Variants in DCT observed in about 807,000 individuals in gnomAD.
DCT encodes the protein L-dopachrome tautomerase.
In DCT, 47 loss-of-function variants were observed where a neutral mutation model predicts 53.0. That is an observed-to-expected ratio of 0.89 (90% CI 0.70 to 1.13). The LOEUF is 1.13. DCT is among the 50% of genes most tolerant of loss of function. The probability of loss-of-function intolerance (pLI) is 0.00; values close to 1 mark genes in which losing one functional copy is unlikely to be tolerated. For missense variants in DCT, 669 were observed against 637.4 expected, an observed-to-expected ratio of 1.05 and a Z score of -0.53; for synonymous variants, 244 against 237.0, an observed-to-expected ratio of 1.03 and a Z score of -0.27.
Position 94,468,893 on chromosome 13 carries a change from T to A in DCT, c.448A>T (p.Lys150Ter), listed in dbSNP as rs937496254. ...QFLGALDLAKKRVHPDYVITT... is the reference protein window; with the variant it reads ...QFLGALDLAK ...ATCACGTAGTCGGGGTGTACTCTCT[T>A]CTTCGCGAGATCTAAGGCGCCCAAG... Residue 150 changes from lysine to a stop codon, truncating the protein, a stop_gained, in exon 2 of 8, where the codon AAG becomes TAG. Coordinates refer to ENST00000377028, the MANE Select transcript of DCT (RefSeq NM_001922.5). LOFTEE classifies it high-confidence loss of function. The A allele has an allele frequency of 1.2e-6, 2 of 1,613,994 alleles. No homozygotes were observed. Among genetic ancestry groups the A allele is most frequent in the Non-Finnish European group, 1.7e-6 (2 of 1,180,018 alleles).
At chr13:94,499,927 T>C in the DCT span, among the ~76,000 whole-genome samples, 1 of 152,206 alleles carries the variant, frequency 6.6e-6, no homozygotes, top group African/African-American at 2.4e-5. Context: ...AGGCATACAA[T>C]AGGAAGTTTT....
the DCT span, among the ~76,000 whole-genome samples, chr13:94,515,591 AG>A: frequency 2.9e-4 from 44 of 152,324 alleles, no homozygotes; most frequent in African/African-American, 1.1e-3. Context: ...TTCTGATACA[AG>A]GAAGTAGAGG....
the DCT span, among the ~76,000 whole-genome samples, chr13:94,525,265 T>C: frequency 6.6e-6 from 1 of 152,082 alleles, no homozygotes; most frequent in Non-Finnish European, 1.5e-5. Flanking sequence ...CATACCTAGC[T>C]AATTTTTGGT....
the DCT span, among the ~76,000 whole-genome samples, chr13:94,489,774 A>G: frequency 1.3e-5 from 2 of 152,072 alleles, no homozygotes; most frequent in Non-Finnish European, 2.9e-5. Context: ...ACACACACAC[A>G]CACACACACA....
the DCT span, among the ~76,000 whole-genome samples, chr13:94,503,977 A>G: frequency 6.6e-6 from 1 of 152,238 alleles, no homozygotes; most frequent in Non-Finnish European, 1.5e-5. Flanking sequence ...GCATAAGTGA[A>G]GTAAACATTT....
intron 2 of DCT, chr13:94,467,526 T>A (rs1191571558): frequency 6.6e-6 from 1 of 152,326 alleles, no homozygotes; most frequent in East Asian, 1.9e-4. Context: ...CTCAGAGTGA[T>A]AACAGGAAAA....
At chr13:94,485,298 C>A in the DCT span, among the ~76,000 whole-genome samples, 2 of 152,116 alleles carry the variant, frequency 1.3e-5, no homozygotes, top group Non-Finnish European at 2.9e-5. Flanking sequence ...CAGGTAGAAC[C>A]TTGGAGGGCT....
intron 6 of DCT, among the ~76,000 whole-genome samples, chr13:94,458,095 T>C (rs1471837399): frequency 6.6e-6 from 1 of 152,136 alleles, no homozygotes; most frequent in Admixed American, 6.5e-5. Context: ...ACACCCCCTT[T>C]CCCGGCTAAT....
At chr13:94,446,791 C>T (rs947482516) in intron 6 of DCT, among the ~76,000 whole-genome samples, 1 of 152,094 alleles carries the variant, frequency 6.6e-6, no homozygotes, top group African/African-American at 2.4e-5. Context: ...CATTCCTTGC[C>T]TTGTAGATCT....
the DCT span, among the ~76,000 whole-genome samples, chr13:94,517,241 C>T: frequency 2.6e-5 from 4 of 152,328 alleles, no homozygotes; most frequent in East Asian, 5.8e-4. Flanking sequence ...CTTTTACTCA[C>T]TATCCAAAGA....
chr13:94,479,006 C>T lies in DCT; in HGVS notation c.250G>A (p.Glu84Lys). 2 of 1,613,712 alleles carry T rather than the reference C, an allele frequency of 1.2e-6. No homozygotes were observed. The highest frequency in any genetic ancestry group is 1.7e-6 in the Non-Finnish European group (2 of 1,179,646). The change falls in exon 1 of 8, where the codon GAG becomes AAG. Residue 84 changes from glutamate to lysine, a missense_variant. Glu to Lys is a moderately conservative substitution (Grantham distance 56). Coordinates refer to ENST00000377028, the MANE Select transcript of DCT (RefSeq NM_001922.5). ...PYILRNQDDR[E>K]LWPRKFFHRT... ...TGGAAGAATTTTCTTGGCCACAGCT[C>T]ACGGTCATCCTGGTTTCGTAGGATG... is the stretch of plus-strand genomic sequence containing the variant.
intron 6 of DCT, among the ~76,000 whole-genome samples, chr13:94,453,248 G>C (rs1008444461): frequency 1.3e-5 from 2 of 152,016 alleles, no homozygotes; most frequent in Non-Finnish European, 2.9e-5. Context: ...GGTACCCATG[G>C]TGGGGGGTCC....
At chr13:94,483,404 A>G (rs1211691545), upstream of DCT, among the ~76,000 whole-genome samples, 1 of 151,736 alleles carries the variant, frequency 6.6e-6, no homozygotes, top group African/African-American at 2.4e-5. Flanking sequence ...GTCAGGCTCC[A>G]TAGACCGGGT....
At chr13:94,538,044 T>A in the DCT span, among the ~76,000 whole-genome samples, 1 of 152,008 alleles carries the variant, frequency 6.6e-6, no homozygotes, top group Non-Finnish European at 1.5e-5. Flanking sequence ...AGTCAGAAAA[T>A]CAGACCAATA....
rs1162347541 is a variant in DCT, at chr13:94,465,941, T to C, written c.697-142A>G. 4 of 255,478 alleles carry C rather than the reference T, an allele frequency of 1.6e-5. No individual in the cohort carries two copies. The East Asian group carries it at 3.4e-4, about 22-fold the overall frequency. The allele number at this position is 255,478 out of a possible 1,614,324, so 15.8% of individuals were successfully genotyped here. On this transcript the variant is annotated intron_variant, in intron 3 of 7. Transcript: ENST00000377028. ...TGGATGGATAAATGAATGAAGAAAC[T>C]GTGACATAAATCAGTGTGTGTATAT...
In DCT at chr13:94,469,082, T is replaced by C. The variant is rs562781664; in HGVS notation, c.296-37A>G. On this transcript the variant is annotated intron_variant, in intron 1 of 7. Transcript: ENST00000377028. ...AACAGAAAGATGGAAAGGAAGGGGGTTTATGTCGTTTGGAAGAAATTTCTG... is the reference window on the plus strand; with the variant it reads ...AACAGAAAGATGGAAAGGAAGGGGGCTTATGTCGTTTGGAAGAAATTTCTG... 50 of 1,536,502 alleles carry C rather than the reference T, an allele frequency of 3.3e-5. No individual in the cohort carries two copies. The South Asian group carries it at 5.5e-4, about 17-fold the overall frequency.
the DCT span, among the ~76,000 whole-genome samples, chr13:94,546,085 A>C: frequency 6.6e-6 from 1 of 152,094 alleles, no homozygotes; most frequent in South Asian, 2.1e-4. This position sits in a 1 kb window ranked among gnomAD's most constrained non-coding sequence, Gnocchi z 4.2. Flanking sequence ...CTTACTAAAA[A>C]GGGCTTACAA....
At chr13:94,492,112 C>T in the DCT span, among the ~76,000 whole-genome samples, 1 of 152,182 alleles carries the variant, frequency 6.6e-6, no homozygotes, top group Non-Finnish European at 1.5e-5. Context: ...TCACCTTTGT[C>T]TCAAGCATCG....
chr13:94,504,517 G>T, the DCT span, among the ~76,000 whole-genome samples: 1 of 152,104 alleles, frequency 6.6e-6, no homozygotes, highest in Non-Finnish European at 1.5e-5. Context: ...ACAGGTGCCT[G>T]CCACAATGCC....
Sources: gnomAD v4.1 joint callset for allele counts (sites outside exome capture counted in the v4.1 genomes callset) on GRCh38, gnomAD v4.1.1 for gene constraint, Gnocchi (gnomAD v3.1) non-coding constraint, MANE v1.5 for transcripts, NCBI Gene and HGNC (gene_info 2026-07-23, HGNC 2026-07-21) for gene names.